Variants in ERC2 observed in about 807,000 individuals in gnomAD.
ERC2 encodes ERC protein 2.
ERC2 carries 42 observed loss-of-function variants against 114.8 expected under a neutral mutation model. The observed-to-expected ratio is 0.37, with a 90% CI of 0.29 to 0.47. ERC2 has a LOEUF of 0.47. Ranked by LOEUF, ERC2 falls within the 20% of genes least tolerant of loss-of-function variation. ERC2 has a pLI of 0.99. For synonymous variants in ERC2, 454 were observed against 425.5 expected (o/e 1.07, Z -0.82); for missense variants, 939 against 1,150.7 (o/e 0.82, Z 2.66).
At chr3:55,851,274 G>A (rs1033166752) in intron 14 of ERC2, among the ~76,000 whole-genome samples, 4 of 152,088 alleles carry the variant, frequency 2.6e-5, no homozygotes, top group Non-Finnish European at 5.9e-5. Flanking sequence ...AGGCTCCTAC[G>A]TGGCCTCCCC....
At chr3:55,831,757 GACAGTGGGT>G (rs1197083170) in intron 14 of ERC2, among the ~76,000 whole-genome samples, 1 of 152,162 alleles carries the variant, frequency 6.6e-6, no homozygotes, top group Non-Finnish European at 1.5e-5. Flanking sequence ...GTGGGTGCAG[GACAGTGGGT>G]ACAACGCACC....
intron 2 of ERC2, among the ~76,000 whole-genome samples, chr3:56,386,320 A>T (rs1205856917): frequency 6.6e-6 from 1 of 152,022 alleles, no homozygotes; most frequent in Non-Finnish European, 1.5e-5. Flanking sequence ...ACAGTGAAAC[A>T]CTCCAAGCAT....
At chr3:55,787,877 T>C (rs1472362731) in intron 14 of ERC2, among the ~76,000 whole-genome samples, 2 of 152,338 alleles carry the variant, frequency 1.3e-5, no homozygotes, top group East Asian at 3.9e-4. Context: ...TCCTGGGACC[T>C]ATTAGTCCCT....
chr3:55,871,524 T>C (rs1346526631), intron 14 of ERC2, among the ~76,000 whole-genome samples: 1 of 152,128 alleles, frequency 6.6e-6, no homozygotes, highest in Non-Finnish European at 1.5e-5. Flanking sequence ...TGACCAATGA[T>C]CAGTTCAAGT....
chr3:55,921,664 G>A (rs779635444), intron 13 of ERC2, among the ~76,000 whole-genome samples: 4 of 152,174 alleles, frequency 2.6e-5, no homozygotes, highest in Non-Finnish European at 4.4e-5. Context: ...AAATGAAAAA[G>A]AACTAGCATA....
chr3:56,323,819 C>T (rs188442683), intron 2 of ERC2, among the ~76,000 whole-genome samples: 2 of 152,298 alleles, frequency 1.3e-5, no homozygotes, highest in African/African-American at 4.8e-5. Flanking sequence ...GTGGAAAAAA[C>T]ATGTTTTCCA....
chr3:56,161,705 C>G (rs1015797229), intron 4 of ERC2, among the ~76,000 whole-genome samples: 1 of 152,086 alleles, frequency 6.6e-6, no homozygotes, highest in African/African-American at 2.4e-5. Flanking sequence ...AGCTTGAACA[C>G]TATTGGTGTA....
rs376279632 is a variant in ERC2, at chr3:56,376,886, G to A, written c.657+57465C>T. On this transcript the variant is annotated intron_variant, in intron 2 of 17. Transcript: ENST00000288221. ...GAAAAGTACAGTAATTAAAGAAGTCGCAATACATGGGAGGCTATTTCTAAA... is the reference window on the plus strand; with the variant it reads ...GAAAAGTACAGTAATTAAAGAAGTCACAATACATGGGAGGCTATTTCTAAA... 1.7e-4 allele frequency among the ~76,000 whole-genome samples: 26 copies of A among 152,184 alleles called. No individual in the cohort carries two copies. The East Asian group carries it at 2.9e-3, about 17-fold the overall frequency.
At chr3:55,609,905 C>A (rs1029311614) in intron 17 of ERC2, among the ~76,000 whole-genome samples, 6 of 151,964 alleles carry the variant, frequency 3.9e-5, no homozygotes, top group Non-Finnish European at 7.4e-5. Flanking sequence ...CTCCACCCTG[C>A]ACTTTGCCCT....
Position 55,678,212 on chromosome 3 carries a change from C to G in ERC2, c.*39+5582G>C, listed in dbSNP as rs147718762. On this transcript the variant is annotated intron_variant, in intron 17 of 17. Transcript: ENST00000288221. ...AGGCAGAGACATTGTCATGGTGGTT[C>G]TAAAACACCTCGTAGCTACTTCTGG... Among the ~76,000 whole-genome samples the G allele has an allele frequency of 1.1e-4, 17 of 152,274 alleles. No individual in the cohort carries two copies. The East Asian group carries it at 3.3e-3, about 29-fold the overall frequency.
At chr3:56,037,535 G>C (rs966963080) in intron 7 of ERC2, among the ~76,000 whole-genome samples, 2 of 152,184 alleles carry the variant, frequency 1.3e-5, no homozygotes, top group African/African-American at 4.8e-5. Flanking sequence ...CAAAAGCTCT[G>C]AGAACTATGG....
At chr3:56,005,284 G>A (rs543355940) in intron 10 of ERC2, among the ~76,000 whole-genome samples, 4 of 152,054 alleles carry the variant, frequency 2.6e-5, no homozygotes, top group Non-Finnish European at 5.9e-5. Flanking sequence ...TAGTGACGTG[G>A]TAGAATGTTA....
At chr3:56,293,969 G>A (rs2055263007) in intron 3 of ERC2, among the ~76,000 whole-genome samples, 1 of 152,230 alleles carries the variant, frequency 6.6e-6, no homozygotes, top group South Asian at 2.1e-4. Context: ...GAGAAATGGT[G>A]CTGCAGATGG....
intron 1 of ERC2, among the ~76,000 whole-genome samples, chr3:56,465,174 G>A (rs1017884137): frequency 6.6e-6 from 1 of 152,206 alleles, no homozygotes; most frequent in African/African-American, 2.4e-5. Context: ...CAAGGCAGGA[G>A]GATCACCTGA....
intron 3 of ERC2, among the ~76,000 whole-genome samples, chr3:56,204,634 C>A (rs2048605496): frequency 6.6e-6 from 1 of 151,912 alleles, no homozygotes; most frequent in Admixed American, 6.6e-5. Flanking sequence ...TCCTGAGTAG[C>A]TGGGATTACA....
intron 17 of ERC2, among the ~76,000 whole-genome samples, chr3:55,597,419 C>CAA (rs34105072): frequency 1.5e-3 from 199 of 128,406 alleles, no homozygotes; most frequent in Middle Eastern, 7.7e-3. Context: ...GACTCCAACT[C>CAA]AAAAAAAAAA....
chr3:55,798,592 C>T (rs1288229192), intron 14 of ERC2, among the ~76,000 whole-genome samples: 2 of 145,506 alleles, frequency 1.4e-5, no homozygotes, highest in East Asian at 2.0e-4. Flanking sequence ...AGCAAGACTT[C>T]GTTTCAAAAA....
intron 2 of ERC2, among the ~76,000 whole-genome samples, chr3:56,370,656 G>A (rs1157055908): frequency 7.4e-5 from 11 of 148,328 alleles, no homozygotes; most frequent in African/African-American, 2.0e-4. Flanking sequence ...GTGCAGTGGC[G>A]TGATCTTGGC....
chr3:56,285,032 T>TACACACACATAC lies in ERC2; in HGVS notation c.1074+10986_1074+10987insGTATGTGTGTGT, dbSNP rs2054596784. 3.7e-5 allele frequency among the ~76,000 whole-genome samples: 4 copies of TACACACACATAC among 106,782 alleles called. No individual in the cohort carries two copies. In the Admixed American group the frequency reaches 3.8e-4, roughly 10 times the overall value. 70.1% of individuals were successfully genotyped at this position (106,782 alleles called of 152,430 possible). On this transcript the variant is annotated intron_variant, in intron 3 of 17. Transcript: ENST00000288221. The stretch of plus-strand genomic sequence containing the variant: ...TCTCTCACACACACACACACACACA[T>TACACACACATAC]ACACACACACACACACACACACACA...
Sources: allele counts gnomAD v4.1 joint callset (sites outside exome capture counted in the v4.1 genomes callset), GRCh38; gene constraint gnomAD v4.1.1; transcripts MANE v1.5; gene names NCBI Gene and HGNC (gene_info 2026-07-23, HGNC 2026-07-21).